TPD52: variants seen among roughly 807,000 people sequenced by gnomAD.
TPD52 encodes the protein tumor protein D52.
In TPD52, 17 loss-of-function variants were observed where a neutral mutation model predicts 31.3. That is an observed-to-expected ratio of 0.54 (90% CI 0.37 to 0.82). TPD52 has a LOEUF of 0.82. Among genes scored for constraint, TPD52 ranks in the 40% least tolerant of loss-of-function variants. The pLI, the probability that TPD52 is intolerant of heterozygous loss-of-function variation, is 0.00. For missense variants in TPD52, 212 were observed against 240.1 expected, an observed-to-expected ratio of 0.88 and a Z score of 0.77; for synonymous variants, 83 against 89.6, an observed-to-expected ratio of 0.93 and a Z score of 0.42.
chr8:80,158,566 A>C (rs1392258659), intron 1 of TPD52: 1 of 152,112 alleles, frequency 6.6e-6, no homozygotes, highest in African/African-American at 2.4e-5. Flanking sequence ...AGAATGGCCT[A>C]TGAGCCTGAG....
chr8:80,058,822 A>C (rs1694195363), intron 2 of TPD52, among the ~76,000 whole-genome samples: 2 of 152,104 alleles, frequency 1.3e-5, no homozygotes, highest in South Asian at 2.1e-4. Flanking sequence ...CAAAACAAAA[A>C]AACAACCACA....
intron 5 of TPD52, among the ~76,000 whole-genome samples, chr8:80,045,094 G>A (rs1036932297): frequency 2.6e-5 from 4 of 152,172 alleles, no homozygotes; most frequent in African/African-American, 9.7e-5. Context: ...AAACACCTCT[G>A]TACTTGATGT....
chr8:80,081,593 G>A (rs940953466), intron 1 of TPD52, among the ~76,000 whole-genome samples: 1 of 152,036 alleles, frequency 6.6e-6, no homozygotes, highest in Non-Finnish European at 1.5e-5. Flanking sequence ...AAAGAGCTCA[G>A]ATATACTCTC....
intron 2 of TPD52, among the ~76,000 whole-genome samples, chr8:80,062,787 A>C (rs1812690356): frequency 6.6e-6 from 1 of 152,034 alleles, no homozygotes; most frequent in East Asian, 1.9e-4. Flanking sequence ...ACATAGCAAA[A>C]TCTCATCTCT....
chr8:80,147,476 A>G (rs970255643), intron 1 of TPD52, among the ~76,000 whole-genome samples: 17 of 152,336 alleles, frequency 1.1e-4, no homozygotes, highest in African/African-American at 4.1e-4. Context: ...AGTACATGAC[A>G]AACAGTCAAC....
chr8:80,095,962 A>G (rs868129906), intron 1 of TPD52, among the ~76,000 whole-genome samples: 5 of 151,868 alleles, frequency 3.3e-5, no homozygotes, highest in South Asian at 4.2e-4. Context: ...ACATACATAC[A>G]TACATACTAT....
Position 80,056,416 on chromosome 8 carries a change from G to A in TPD52, c.136-2986C>T, listed in dbSNP as rs368659968. Among the ~76,000 whole-genome samples, 47 of 152,240 alleles carry A rather than the reference G, an allele frequency of 3.1e-4. No individual in the cohort carries two copies. The East Asian group carries it at 7.9e-3, about 26-fold the overall frequency. On this transcript the variant is annotated intron_variant, in intron 2 of 7. Coordinates refer to ENST00000518937, the MANE Select transcript of TPD52 (RefSeq NM_001025253.3). ...TGCTTCAAACGACACTGTCATGAAA[G>A]TAAAAGACAACCAACAGAATGGGGA... is the stretch of plus-strand genomic sequence containing the variant.
intron 1 of TPD52, among the ~76,000 whole-genome samples, chr8:80,108,024 C>T (rs1703547608): frequency 6.6e-6 from 1 of 152,026 alleles, no homozygotes. Context: ...CCTGATTTGT[C>T]AAGAAAAATT....
At chr8:80,094,754 C>T (rs1244211673) in intron 1 of TPD52, among the ~76,000 whole-genome samples, 1 of 147,262 alleles carries the variant, frequency 6.8e-6, no homozygotes, top group South Asian at 2.1e-4. Flanking sequence ...ACATATTCTA[C>T]CATAATTTAA....
chr8:80,142,925 C>T (rs1809936500), intron 1 of TPD52, among the ~76,000 whole-genome samples: 1 of 152,204 alleles, frequency 6.6e-6, no homozygotes, highest in African/African-American at 2.4e-5. Context: ...AGGATGCACA[C>T]ACTCAGGGGA....
At chr8:80,065,934 A>ATTT (rs33925188) in intron 1 of TPD52, among the ~76,000 whole-genome samples, 43 of 129,468 alleles carry the variant, frequency 3.3e-4, no homozygotes, top group East Asian at 1.5e-3. Flanking sequence ...CTGGCAACAG[A>ATTT]TTTTTTTTTT....
intron 1 of TPD52, among the ~76,000 whole-genome samples, chr8:80,125,421 AAAAC>A (rs953790798): frequency 3.9e-5 from 6 of 152,166 alleles, no homozygotes; most frequent in African/African-American, 9.6e-5. Context: ...GTCCCATTAA[AAAAC>A]AAACAAACAA....
At chr8:80,134,370 T>C (rs952216132) in intron 1 of TPD52, among the ~76,000 whole-genome samples, 1 of 152,216 alleles carries the variant, frequency 6.6e-6, no homozygotes, top group African/African-American at 2.4e-5. Context: ...AACATTCATA[T>C]AGTACCTAAA....
chr8:80,153,118 T>A lies in TPD52; in HGVS notation c.19+18307A>T, dbSNP rs182970081. On this transcript the variant is annotated intron_variant, in intron 1 of 7. Transcript: ENST00000518937. ...ACTAGGATTTTATTACAAAGAAATGTCTTACTTCTATGCTTTCACAGGTTT... is the reference window on the plus strand; with the variant it reads ...ACTAGGATTTTATTACAAAGAAATGACTTACTTCTATGCTTTCACAGGTTT... 2.0e-3 allele frequency among the ~76,000 whole-genome samples: 307 copies of A among 152,332 alleles called. 5 individuals carry two copies. In the Middle Eastern group the frequency reaches 0.024, roughly 12 times the overall value.
intron 1 of TPD52, chr8:80,158,936 T>G (rs1378392165): frequency 1.2e-5 from 1 of 83,770 alleles, no homozygotes; most frequent in African/African-American, 6.0e-5. Context: ...AGAGCGAGAC[T>G]CCGTCTCAAA....
chr8:80,171,371 A>G (rs765096220), intron 1 of TPD52, 54 bp downstream of exon 1: 25 of 587,436 alleles, frequency 4.3e-5, no homozygotes, highest in Non-Finnish European at 5.1e-5. Flanking sequence ...CCAAAGCCCG[A>G]GTCCAAGCCC....
intron 1 of TPD52, among the ~76,000 whole-genome samples, chr8:80,117,182 C>T (rs569579705): frequency 1.2e-3 from 179 of 152,200 alleles, no homozygotes; most frequent in Non-Finnish European, 1.6e-3. Context: ...AAAAGGCATC[C>T]GTTTTGGAAA....
At chr8:80,170,537 C>A (rs1340783524) in intron 1 of TPD52, among the ~76,000 whole-genome samples, 1 of 152,164 alleles carries the variant, frequency 6.6e-6, no homozygotes, top group African/African-American at 2.4e-5. Flanking sequence ...ATAAGCAATA[C>A]ATGAAAACTT....
chr8:80,111,829 T>C (rs774504637), intron 1 of TPD52, among the ~76,000 whole-genome samples: 1 of 152,224 alleles, frequency 6.6e-6, no homozygotes, highest in Non-Finnish European at 1.5e-5. Flanking sequence ...GGGAAAGTTT[T>C]CATCAGTGTA....
Sources: allele counts gnomAD v4.1 joint callset (sites outside exome capture counted in the v4.1 genomes callset), GRCh38; gene constraint gnomAD v4.1.1; transcripts MANE v1.5; gene names NCBI Gene and HGNC (gene_info 2026-07-23, HGNC 2026-07-21).